The following ACER2 variants were observed in gnomAD, a reference collection of about 807,000 sequenced individuals.
ACER2 encodes alkCDase 2.
Under a neutral mutation model 34.7 loss-of-function variants are expected in ACER2, and 26 were observed. That is an observed-to-expected ratio of 0.75 (90% CI 0.55 to 1.04). The LOEUF is 1.04. Among genes scored for constraint, ACER2 ranks in the 50% least tolerant of loss-of-function variants. The pLI is 0.00. For synonymous variants in ACER2, 138 were observed against 132.1 expected (o/e 1.04, Z -0.31); for missense variants, 352 against 340.8 (o/e 1.03, Z -0.26).
At position 19,450,679 on chromosome 9, in the gene ACER2, C is replaced by T. The variant is rs752461868; in HGVS notation, c.*43C>T. On this transcript the variant is annotated 3_prime_UTR_variant, in exon 6 of 6. Transcript: ENST00000340967. ...GCTTCTCTGCTTATCGCCCCTCATG[C>T]AGTGGGCTTCCTTTGCTAGGAAGAC... The T allele has an allele frequency of 1.3e-6, 2 of 1,488,424 alleles. No individual in the cohort carries two copies. The highest frequency in any genetic ancestry group is 2.7e-5 in the African/African-American group (2 of 72,934). 92.2% of individuals were successfully genotyped at this position (1,488,424 alleles called of 1,614,324 possible).
intron 3 of ACER2, among the ~76,000 whole-genome samples, chr9:19,425,319 C>T (rs1456153927): frequency 6.6e-6 from 1 of 152,148 alleles, no homozygotes; most frequent in Admixed American, 6.5e-5. Context: ...AGCTGTGCAC[C>T]TGCGTGCGTG....
intron 4 of ACER2, among the ~76,000 whole-genome samples, chr9:19,440,455 T>C (rs1407333882): frequency 6.6e-6 from 1 of 152,152 alleles, no homozygotes; most frequent in African/African-American, 2.4e-5. Context: ...CCCTCCTACA[T>C]GGGATTAGTG....
At chr9:19,422,905 G>A (rs868363676) in intron 1 of ACER2, among the ~76,000 whole-genome samples, 42 of 151,832 alleles carry the variant, frequency 2.8e-4, no homozygotes, top group African/African-American at 9.2e-4. Flanking sequence ...GGTGGTGAGC[G>A]CCTGTAATCC....
At chr9:19,425,366 A>G (rs1269608486) in intron 3 of ACER2, among the ~76,000 whole-genome samples, 1 of 152,214 alleles carries the variant, frequency 6.6e-6, no homozygotes, top group East Asian at 1.9e-4. Context: ...CATATACTGT[A>G]TATATGTTCA....
intron 1 of ACER2, among the ~76,000 whole-genome samples, chr9:19,418,472 A>G (rs896584600): frequency 4.6e-5 from 7 of 152,258 alleles, no homozygotes; most frequent in African/African-American, 1.7e-4. Flanking sequence ...GATAGACTGG[A>G]TAAAGAAAAT....
intron 3 of ACER2, among the ~76,000 whole-genome samples, chr9:19,425,100 G>C (rs1830521407): frequency 6.6e-6 from 1 of 152,166 alleles, no homozygotes; most frequent in African/African-American, 2.4e-5. Context: ...AGTGGTTTAA[G>C]AATTAGCAAG....
rs759084396 is a variant in ACER2, at chr9:19,451,970, T to C, written c.*1334T>C. On this transcript the variant is annotated 3_prime_UTR_variant, in exon 6 of 6. Coordinates refer to ENST00000340967, the MANE Select transcript of ACER2 (RefSeq NM_001010887.3). Reference sequence around the variant, plus strand: ...ACCTTTCTCAAGTGCTGGCAGTAGCTATGCACTCACGGGCTGGTTTGGGTC... The same window carrying C: ...ACCTTTCTCAAGTGCTGGCAGTAGCCATGCACTCACGGGCTGGTTTGGGTC... The C allele has an allele frequency of 2.0e-5, 3 of 152,580 alleles. No individual in the cohort carries two copies. Among genetic ancestry groups the C allele is most frequent in the Non-Finnish European group, 4.4e-5 (3 of 68,036 alleles). 9.5% of individuals were successfully genotyped at this position (152,580 alleles called of 1,614,324 possible). A position where few individuals can be genotyped will look rare whatever the true frequency, so the allele number is the denominator to read the frequency against.
In ACER2 at chr9:19,412,025, A is replaced by C. The variant is rs80011158; in HGVS notation, c.108+2833A>C. ...CTGAAGTCAGAACTTGGTCCATTTG[A>C]CTCTACCAAGAGAGTTATCTTGAAG... On this transcript the variant is annotated intron_variant, in intron 1 of 5. Transcript: ENST00000340967. Among the ~76,000 whole-genome samples the C allele has an allele frequency of 4.3e-3, 654 of 152,184 alleles. 5 individuals carry two copies. The highest frequency in any genetic ancestry group is 0.015 in the African/African-American group (630 of 41,516).
intron 1 of ACER2, among the ~76,000 whole-genome samples, chr9:19,422,212 G>T (rs959899958): frequency 6.6e-6 from 1 of 151,586 alleles, no homozygotes; most frequent in Admixed American, 6.6e-5. Flanking sequence ...GAGGCAGGAG[G>T]CTCCCTTAAG....
At chr9:19,446,579 A>G in intron 5 of ACER2, 161 bp downstream of exon 5, 1 of 985,404 alleles carries the variant, frequency 1.0e-6, no homozygotes, top group African/African-American at 1.7e-5. Context: ...CTGAAAGCAC[A>G]CTTTGTAAAA....
intron 1 of ACER2, among the ~76,000 whole-genome samples, 162 bp downstream of exon 1, chr9:19,409,354 T>C (rs139536993): frequency 2.2e-4 from 34 of 152,312 alleles, no homozygotes; most frequent in African/African-American, 7.7e-4. Flanking sequence ...CTCCTTTCAG[T>C]TCTCCATCTG....
At chr9:19,432,552 G>A (rs10964135) in intron 3 of ACER2, among the ~76,000 whole-genome samples, 34,273 of 145,492 alleles carry the variant, frequency 0.24, 4,405 homozygotes, top group African/African-American at 0.39. Flanking sequence ...ATATATATAT[G>A]TGTGTGTGTG....
chr9:19,445,495 C>T (rs73420025), intron 4 of ACER2, among the ~76,000 whole-genome samples: 18,284 of 152,114 alleles, frequency 0.12, 3,651 homozygotes, highest in African/African-American at 0.42. Context: ...GGAGAGTCAC[C>T]TGGGAGGTGG....
chr9:19,448,608 G>A (rs1831455410), intron 5 of ACER2, among the ~76,000 whole-genome samples: 1 of 152,106 alleles, frequency 6.6e-6, no homozygotes. Flanking sequence ...CAGAGAAACT[G>A]TACCATTAAC....
At chr9:19,427,744 G>A (rs1752299441) in intron 3 of ACER2, among the ~76,000 whole-genome samples, 1 of 150,392 alleles carries the variant, frequency 6.6e-6, no homozygotes, top group African/African-American at 2.4e-5. Flanking sequence ...TGGTCTCACT[G>A]CAAGCTCCAC....
At chr9:19,431,095 G>A (rs1830741440) in intron 3 of ACER2, among the ~76,000 whole-genome samples, 1 of 152,190 alleles carries the variant, frequency 6.6e-6, no homozygotes, top group South Asian at 2.1e-4. Flanking sequence ...CAGCAGCTCA[G>A]TTACGTTTTC....
At chr9:19,449,890 TA>T (rs543959118) in intron 5 of ACER2, among the ~76,000 whole-genome samples, 16,962 of 131,216 alleles carry the variant, frequency 0.13, 1,898 homozygotes, top group African/African-American at 0.32. Flanking sequence ...AGACTTCATT[TA>T]AAAAAAAAAA....
chr9:19,433,610 C>G (rs1451159552), intron 3 of ACER2, among the ~76,000 whole-genome samples: 1 of 152,276 alleles, frequency 6.6e-6, no homozygotes, highest in Non-Finnish European at 1.5e-5. Context: ...CACCTTTCCT[C>G]CCTTTCTATT....
chr9:19,410,664 C>T (rs564134180), intron 1 of ACER2, among the ~76,000 whole-genome samples: 7 of 152,250 alleles, frequency 4.6e-5, no homozygotes, highest in East Asian at 3.9e-4. Flanking sequence ...GAACTGAGAT[C>T]GCGCCACTCC....
Sources: allele counts gnomAD v4.1 joint callset (sites outside exome capture counted in the v4.1 genomes callset), GRCh38; gene constraint gnomAD v4.1.1; transcripts MANE v1.5; gene names NCBI Gene and HGNC (gene_info 2026-07-23, HGNC 2026-07-21).